Variants in ATG5 observed in about 807,000 individuals in gnomAD.
The protein encoded by ATG5 is autophagy related 5.
In ATG5, 14 loss-of-function variants were observed where a neutral mutation model predicts 36.5. The observed-to-expected ratio is 0.38, with a 90% CI of 0.25 to 0.60. The LOEUF (loss-of-function observed/expected upper bound fraction) is 0.60, where lower values mean the gene tolerates loss of function less well. ATG5 is among the 20% of genes least tolerant of loss of function. The probability of loss-of-function intolerance (pLI) is 0.60; values close to 1 mark genes in which losing one functional copy is unlikely to be tolerated. For missense variants in ATG5, 195 were observed against 326.7 expected (o/e 0.60, Z 3.11); for synonymous variants, 95 against 101.5 (o/e 0.94, Z 0.38).
At chr6:106,294,240 C>T (rs1296855484) in intron 3 of ATG5, among the ~76,000 whole-genome samples, 3 of 151,938 alleles carry the variant, frequency 2.0e-5, no homozygotes, top group African/African-American at 4.8e-5. Flanking sequence ...TGAGTTACTC[C>T]TAGATTTAAG....
intron 7 of ATG5, 60 bp from the exon 8 acceptor site, chr6:106,186,736 C>G: frequency 6.3e-7 from 1 of 1,575,066 alleles, no homozygotes; most frequent in Non-Finnish European, 8.7e-7. Flanking sequence ...AAAAAATAAT[C>G]TGGTGCCTTT....
chr6:106,213,073 C>T (rs1312471979), intron 6 of ATG5, among the ~76,000 whole-genome samples: 1 of 152,128 alleles, frequency 6.6e-6, no homozygotes, highest in African/African-American at 2.4e-5. Flanking sequence ...ATATAAGTAG[C>T]CTGGATAGAA....
intron 1 of ATG5, among the ~76,000 whole-genome samples, chr6:106,318,387 G>A (rs551372159): frequency 3.3e-5 from 5 of 152,030 alleles, no homozygotes; most frequent in South Asian, 2.1e-4. Flanking sequence ...CACATGTCAC[G>A]AACAGTAAAA....
chr6:106,230,530 T>C (rs1264906921), intron 6 of ATG5, among the ~76,000 whole-genome samples: 1 of 152,134 alleles, frequency 6.6e-6, no homozygotes, highest in Non-Finnish European at 1.5e-5. Context: ...ACTAATCCGA[T>C]AAGCAGAGGT....
chr6:106,271,660 C>A (rs1779458271), intron 5 of ATG5: 2 of 152,124 alleles, frequency 1.3e-5, no homozygotes, highest in Admixed American at 1.3e-4. Context: ...AATATCATAA[C>A]CAATGAGGTT....
intron 3 of ATG5, among the ~76,000 whole-genome samples, chr6:106,305,689 G>A (rs1404866997): frequency 1.3e-5 from 2 of 152,192 alleles, no homozygotes; most frequent in East Asian, 1.9e-4. Flanking sequence ...TAAGACACTT[G>A]TATGGTCTCA....
At chr6:106,321,022 T>C (rs1771044935) in intron 1 of ATG5, among the ~76,000 whole-genome samples, 1 of 152,108 alleles carries the variant, frequency 6.6e-6, no homozygotes, top group South Asian at 2.1e-4. Flanking sequence ...AAATGAGGGA[T>C]AAAGAACAAG....
chr6:106,309,901 A>C (rs1007286786), intron 2 of ATG5, among the ~76,000 whole-genome samples: 2 of 152,176 alleles, frequency 1.3e-5, no homozygotes, highest in Non-Finnish European at 2.9e-5. Context: ...TTCTGTAGAA[A>C]ACAATATTAA....
chr6:106,238,148 C>A (rs762658215), intron 6 of ATG5, among the ~76,000 whole-genome samples: 2 of 152,152 alleles, frequency 1.3e-5, no homozygotes, highest in Non-Finnish European at 2.9e-5. Flanking sequence ...ATATGAGATA[C>A]AAATCATATT....
At chr6:106,218,355 TC>T (rs1233208063) in intron 6 of ATG5, among the ~76,000 whole-genome samples, 1 of 152,106 alleles carries the variant, frequency 6.6e-6, no homozygotes, top group Admixed American at 6.6e-5. Context: ...GCAGCCTCAT[TC>T]CCCAGAAATC....
chr6:106,277,261 G>A (rs1199166142), intron 5 of ATG5, among the ~76,000 whole-genome samples: 3 of 152,146 alleles, frequency 2.0e-5, no homozygotes, highest in Admixed American at 6.5e-5. Flanking sequence ...TATGGCAGGT[G>A]AAGGTTTTCT....
intron 5 of ATG5, among the ~76,000 whole-genome samples, chr6:106,269,442 G>A (rs1238198645): frequency 1.3e-5 from 2 of 152,348 alleles, no homozygotes; most frequent in African/African-American, 4.8e-5. Flanking sequence ...GGGACTGGGC[G>A]CCGTGGAGCA....
At chr6:106,312,925 C>G (rs1770706568) in intron 2 of ATG5, among the ~76,000 whole-genome samples, 1 of 152,132 alleles carries the variant, frequency 6.6e-6, no homozygotes, top group Non-Finnish European at 1.5e-5. Flanking sequence ...TATAAGCAAC[C>G]TTTTTAAGAA....
At chr6:106,209,445 C>T (rs1277795446) in intron 6 of ATG5, among the ~76,000 whole-genome samples, 1 of 152,148 alleles carries the variant, frequency 6.6e-6, no homozygotes, top group Non-Finnish European at 1.5e-5. Context: ...TTACACACTG[C>T]ATGACTCCAC....
chr6:106,292,017 T>G (rs985285502), intron 4 of ATG5, among the ~76,000 whole-genome samples: 2 of 152,170 alleles, frequency 1.3e-5, no homozygotes, highest in Non-Finnish European at 2.9e-5. Context: ...TAACTATGAA[T>G]GGACACCCCG....
chr6:106,290,534 C>A (rs1032743836), intron 4 of ATG5, among the ~76,000 whole-genome samples: 3 of 152,008 alleles, frequency 2.0e-5, no homozygotes, highest in Non-Finnish European at 4.4e-5. Context: ...CCAGGCTGGT[C>A]TCAAACTTCT....
At chr6:106,295,310 A>T (rs1769872864) in intron 3 of ATG5, among the ~76,000 whole-genome samples, 1 of 152,224 alleles carries the variant, frequency 6.6e-6, no homozygotes, top group African/African-American at 2.4e-5. Flanking sequence ...ATTTCATTAA[A>T]AAGACTTAAC....
intron 6 of ATG5, among the ~76,000 whole-genome samples, chr6:106,203,379 T>C (rs759100903): frequency 7.9e-5 from 12 of 152,226 alleles, no homozygotes; most frequent in Non-Finnish European, 1.3e-4. Context: ...CAGTTTCCTT[T>C]ATCTGTTAAT....
intron 6 of ATG5, among the ~76,000 whole-genome samples, chr6:106,243,929 T>C (rs1380462411): frequency 1.5e-5 from 2 of 129,580 alleles, no homozygotes; most frequent in Non-Finnish European, 3.3e-5. Flanking sequence ...TTTTTTTTTT[T>C]TTAAAGATAG....
Sources: allele counts gnomAD v4.1 joint callset (sites outside exome capture counted in the v4.1 genomes callset), GRCh38; gene constraint gnomAD v4.1.1; transcripts MANE v1.5; gene names NCBI Gene and HGNC (gene_info 2026-07-23, HGNC 2026-07-21).